Variants in LRRC7 observed in about 807,000 individuals in gnomAD.
LRRC7 encodes the protein leucine rich repeat containing 7, also known as leucine-rich repeat-containing protein 7.
A neutral mutation model predicts 175.7 loss-of-function variants in LRRC7; 23 were observed. The observed-to-expected ratio is 0.13, with a 90% CI of 0.09 to 0.19. The LOEUF is 0.19. LRRC7 is among the 10% of genes least tolerant of loss of function. LRRC7 has a pLI of 1.00. For missense variants in LRRC7, 1,354 were observed against 1,904.7 expected (o/e 0.71, Z 5.38); for synonymous variants, 685 against 680.9 (o/e 1.01, Z -0.09).
At chr1:69,647,882 C>T (rs1038745023) in intron 1 of LRRC7, among the ~76,000 whole-genome samples, 18 of 152,004 alleles carry the variant, frequency 1.2e-4, no homozygotes, top group Admixed American at 9.8e-4. Flanking sequence ...TCCAAATTTA[C>T]CTGAGATAGC....
In LRRC7 at chr1:70,121,869, A is replaced by G. The variant is rs1666228257; in HGVS notation, c.4710A>G (p.Gln1570=). The change falls in exon 27 of 27, where the codon CAA becomes CAG. Residue 1570 remains glutamine, a synonymous_variant. Coordinates refer to ENST00000651989, the MANE Select transcript of LRRC7 (RefSeq NM_001370785.2). ...AGAACACAGTAGACCTAGTTATTCA[A>G]CGTGAGCTTACTGTCTAAATATTTT... is the stretch of plus-strand genomic sequence containing the variant. ...SFQNTVDLVI[Q]RELTV 3 of 1,602,564 alleles carry G rather than the reference A, an allele frequency of 1.9e-6. No homozygotes were observed. Among genetic ancestry groups the G allele is most frequent in the Non-Finnish European group, 2.6e-6 (3 of 1,170,096 alleles).
At chr1:69,985,576 A>G (rs182881359) in intron 9 of LRRC7, among the ~76,000 whole-genome samples, 1 of 152,294 alleles carries the variant, frequency 6.6e-6, no homozygotes, top group Non-Finnish European at 1.5e-5. Context: ...CCACAATCTA[A>G]TTTTAGAACA....
In LRRC7 at chr1:70,023,137, C is replaced by G; in HGVS notation, c.1557C>G (p.Cys519Trp). The change falls in exon 17 of 27, where the codon TGC becomes TGG. Residue 519 changes from cysteine (C) to tryptophan (W), a missense_variant. By Grantham distance (215) the Cys-to-Trp change is radical. Coordinates refer to ENST00000651989, the MANE Select transcript of LRRC7 (RefSeq NM_001370785.2). Reference protein sequence around the residue: ...ENAGKVKDLSCQAPWERGQRG... With the variant: ...ENAGKVKDLSWQAPWERGQRG... ...TCCTTCTCCCACAGGATCTCTCCTG[C>G]CAAGCCCCCTGGGAAAGGGGCCAGC... The G allele has an allele frequency of 7.0e-7, 1 of 1,435,186 alleles. No homozygotes were observed. The highest frequency in any genetic ancestry group is 9.3e-7 in the Non-Finnish European group (1 of 1,078,024). The allele number at this position is 1,435,186 out of a possible 1,614,324, so 88.9% of individuals were successfully genotyped here. A position where few individuals can be genotyped will look rare whatever the true frequency, so the allele number is the denominator to read the frequency against.
intron 8 of LRRC7, among the ~76,000 whole-genome samples, chr1:69,970,915 A>C (rs1017342333): frequency 1.3e-5 from 2 of 152,202 alleles, no homozygotes; most frequent in Admixed American, 1.3e-4. Context: ...ACAACATACC[A>C]AAAAGATAAT....
At chr1:69,907,998 AT>A (rs1293900617) in intron 7 of LRRC7, among the ~76,000 whole-genome samples, 3 of 152,126 alleles carry the variant, frequency 2.0e-5, no homozygotes, top group Non-Finnish European at 2.9e-5. Flanking sequence ...GGGAGGGTGT[AT>A]GTGTCGAGGA....
At position 69,778,871 on chromosome 1, in the gene LRRC7, TATACACACAC is replaced by T. The variant is rs1231595280; in HGVS notation, c.304-13160_304-13151del. On this transcript the variant is annotated intron_variant, in intron 3 of 26. Transcript: ENST00000651989. ...GGGCATAGAATGGCAAAAACAAATATATACACACACATACACACACACACATATATATATA... is the reference window on the plus strand; with the variant it reads ...GGGCATAGAATGGCAAAAACAAATATATACACACACACACATATATATATA... Among the ~76,000 whole-genome samples the T allele has an allele frequency of 6.1e-4, 92 of 151,096 alleles. 1 individual carries two copies. The highest frequency in any genetic ancestry group is 1.6e-3 in the African/African-American group (64 of 41,216).
chr1:70,065,733 G>A (rs989119303), intron 23 of LRRC7, among the ~76,000 whole-genome samples: 4 of 152,072 alleles, frequency 2.6e-5, no homozygotes, highest in East Asian at 3.9e-4. Flanking sequence ...TGTTAATAGT[G>A]CAGAGTAAGT....
intron 17 of LRRC7, among the ~76,000 whole-genome samples, chr1:70,024,489 T>C (rs1485428944): frequency 6.6e-6 from 1 of 151,952 alleles, no homozygotes; most frequent in African/African-American, 2.4e-5. Flanking sequence ...GAAACATTTC[T>C]TTTTTTCAAA....
chr1:69,910,240 C>A (rs1646479691), intron 7 of LRRC7, among the ~76,000 whole-genome samples: 1 of 152,164 alleles, frequency 6.6e-6, no homozygotes, highest in Non-Finnish European at 1.5e-5. Flanking sequence ...GAAGTGCGTT[C>A]CTTTGGAGGA....
At chr1:69,895,775 T>C (rs1238236882) in intron 7 of LRRC7, among the ~76,000 whole-genome samples, 1 of 152,254 alleles carries the variant, frequency 6.6e-6, no homozygotes, top group Non-Finnish European at 1.5e-5. Flanking sequence ...TCAGTTTTTA[T>C]TGATGAATAA....
At chr1:69,948,916 TC>T (rs2101817055) in intron 8 of LRRC7, among the ~76,000 whole-genome samples, 1 of 152,256 alleles carries the variant, frequency 6.6e-6, no homozygotes, top group Admixed American at 6.5e-5. Context: ...ACTCTATTAC[TC>T]ATATTAGAAG....
At chr1:70,015,919 C>T (rs1408281831) in intron 13 of LRRC7, among the ~76,000 whole-genome samples, 3 of 152,008 alleles carry the variant, frequency 2.0e-5, no homozygotes, top group Admixed American at 1.3e-4. Flanking sequence ...CAAGGGATAG[C>T]AAAGAGTAAG....
Position 70,129,170 on chromosome 1 carries a change from C to A in LRRC7, c.*7283C>A, listed in dbSNP as rs1039403635. Among the ~76,000 whole-genome samples, 4 of 151,718 alleles carry A rather than the reference C, an allele frequency of 2.6e-5. No homozygotes were observed. Among genetic ancestry groups the A allele is most frequent in the African/African-American group, 9.7e-5 (4 of 41,264 alleles). On this transcript the variant is annotated 3_prime_UTR_variant, in exon 27 of 27. Coordinates refer to ENST00000651989, the MANE Select transcript of LRRC7 (RefSeq NM_001370785.2). Reference sequence around the variant, plus strand: ...GCTGAGGCAGGAGAATTGCTTCAACCCAGCAGGCGGAGGTTGCAGTGAGCT... The same window carrying A: ...GCTGAGGCAGGAGAATTGCTTCAACACAGCAGGCGGAGGTTGCAGTGAGCT...
At chr1:69,841,857 C>T (rs149177701) in intron 7 of LRRC7, among the ~76,000 whole-genome samples, 1 of 152,166 alleles carries the variant, frequency 6.6e-6, no homozygotes, top group East Asian at 1.9e-4. Flanking sequence ...TTATTTTTCT[C>T]CACAGAAAAT....
At chr1:69,798,460 T>C (rs1012840807) in intron 4 of LRRC7, among the ~76,000 whole-genome samples, 1 of 152,200 alleles carries the variant, frequency 6.6e-6, no homozygotes, top group Non-Finnish European at 1.5e-5. Context: ...ACACCCTGTG[T>C]ATTGTCTATC....
At chr1:69,802,127 A>G (rs1264849618) in intron 4 of LRRC7, among the ~76,000 whole-genome samples, 2 of 151,248 alleles carry the variant, frequency 1.3e-5, no homozygotes, top group Non-Finnish European at 3.0e-5. Context: ...GACTTGTTTT[A>G]TGGCCTGTCA....
intron 8 of LRRC7, among the ~76,000 whole-genome samples, chr1:69,934,629 G>T (rs1647794274): frequency 1.3e-5 from 2 of 151,750 alleles, no homozygotes; most frequent in South Asian, 4.2e-4. Flanking sequence ...GATCATTCAT[G>T]ATCTCATCCT....
chr1:70,138,393 CATT>C lies in LRRC7; in HGVS notation c.*16510_*16512del, dbSNP rs768064778. 1.1e-4 allele frequency: 16 copies of C among 152,114 alleles called. No homozygotes were observed. Among genetic ancestry groups the C allele is most frequent in the Non-Finnish European group, 1.9e-4 (13 of 68,008 alleles). 9.4% of individuals were successfully genotyped at this position (152,114 alleles called of 1,614,324 possible). A position where few individuals can be genotyped will look rare whatever the true frequency, so the allele number is the denominator to read the frequency against. On this transcript the variant is annotated 3_prime_UTR_variant, in exon 27 of 27. Coordinates refer to ENST00000651989, the MANE Select transcript of LRRC7 (RefSeq NM_001370785.2). ...AGCATAATGCCTACTACACAGACAT[CATT>C]ATTCTACTTAAAAGTCTTTTTTTAA...
intron 15 of LRRC7, among the ~76,000 whole-genome samples, chr1:70,019,379 A>G (rs942384762): frequency 9.2e-5 from 14 of 151,992 alleles, no homozygotes; most frequent in African/African-American, 3.4e-4. Context: ...CTCTTCTATG[A>G]TCACATTATT....
Sources: allele counts gnomAD v4.1 joint callset (sites outside exome capture counted in the v4.1 genomes callset), GRCh38; gene constraint gnomAD v4.1.1; transcripts MANE v1.5; gene names NCBI Gene and HGNC (gene_info 2026-07-23, HGNC 2026-07-21).